Variants in GTF3C1 observed in about 807,000 individuals in gnomAD.
GTF3C1 encodes the protein general transcription factor 3C polypeptide 1.
In GTF3C1, 57 loss-of-function variants were observed where a neutral mutation model predicts 226.7. The ratio of observed to expected loss-of-function variants is 0.25; its 90% confidence interval spans 0.20 to 0.31. The LOEUF (loss-of-function observed/expected upper bound fraction) is 0.31. Among genes scored for constraint, GTF3C1 ranks in the 10% least tolerant of loss-of-function variants. GTF3C1 has a pLI of 1.00. For missense variants in GTF3C1, 2,217 were observed against 2,776.1 expected, an observed-to-expected ratio of 0.80 and a Z score of 4.53; for synonymous variants, 1,090 against 1,084.8, an observed-to-expected ratio of 1.00 and a Z score of -0.09.
chr16:27,461,541 T>A lies in GTF3C1; in HGVS notation c.6139A>T (p.Ile2047Phe). Reference sequence around the variant, plus strand: ...GGCTTTCTCAGCCAGCGCTTCCGGATGCAGCCGAGGGACTCCAGGCCCTGG... The same window carrying A: ...GGCTTTCTCAGCCAGCGCTTCCGGAAGCAGCCGAGGGACTCCAGGCCCTGG... Reference protein sequence around the residue: ...LLQGLESLGCIRKRWLRKPRP... With the variant: ...LLQGLESLGCFRKRWLRKPRP... Residue 2047 changes from isoleucine (I) to phenylalanine (F), a missense_variant, in exon 37 of 37, where the codon ATC (isoleucine) becomes TTC (phenylalanine). Ile to Phe is a conservative substitution (Grantham distance 21). Coordinates refer to ENST00000356183, the MANE Select transcript of GTF3C1 (RefSeq NM_001520.4). This position sits in a 1 kb window ranked among gnomAD's most constrained non-coding sequence, Gnocchi z 5.3. 6.2e-7 allele frequency: 1 copy of A among 1,613,650 alleles called. No individual in the cohort carries two copies. Among genetic ancestry groups the A allele is most frequent in the Non-Finnish European group, 8.5e-7 (1 of 1,179,828 alleles).
chr16:27,489,397 A>G (rs1478618511), intron 20 of GTF3C1, among the ~76,000 whole-genome samples: 1 of 152,258 alleles, frequency 6.6e-6, no homozygotes, highest in Non-Finnish European at 1.5e-5. Flanking sequence ...AAAATTCCCA[A>G]AATAAATTTT....
chr16:27,543,177 G>A (rs1680588760), intron 2 of GTF3C1, among the ~76,000 whole-genome samples: 1 of 152,206 alleles, frequency 6.6e-6, no homozygotes, highest in South Asian at 2.1e-4. Flanking sequence ...CCTGAGGTCA[G>A]GTGTTCAAGA....
At chr16:27,466,436 T>C (rs1286705757) in intron 32 of GTF3C1, 1 of 148,712 alleles carries the variant, frequency 6.7e-6, no homozygotes, top group Non-Finnish European at 1.5e-5. Context: ...ATAAGTATCA[T>C]GTGTGTTCTG....
chr16:27,487,942 G>A (rs1221306662), intron 23 of GTF3C1, among the ~76,000 whole-genome samples: 1 of 152,160 alleles, frequency 6.6e-6, no homozygotes, highest in Non-Finnish European at 1.5e-5. Flanking sequence ...TTTCAGCTGA[G>A]ATGAAACTAG....
rs532466695 is a variant in GTF3C1 at position 27,462,911 on chromosome 16, G to A, written c.5925-425C>T. 2.3e-3 allele frequency: 421 copies of A among 186,108 alleles called. No homozygotes were observed. Among genetic ancestry groups the A allele is most frequent in the South Asian group, 5.3e-3 (37 of 6,934 alleles). The allele number at this position is 186,108 out of a possible 1,614,324, so 11.5% of individuals were successfully genotyped here. ...CAGGCACACTTTCCTCGAAACAGAC[G>A]TTTCTGTTACTAAACCAGAGACTGA... On this transcript the variant is annotated intron_variant, in intron 35 of 36. Coordinates refer to ENST00000356183, the MANE Select transcript of GTF3C1 (RefSeq NM_001520.4). This position sits in a 1 kb window ranked among gnomAD's most constrained non-coding sequence, Gnocchi z 4.5.
At position 27,464,367 on chromosome 16, in the gene GTF3C1, T is replaced by A; in HGVS notation, c.5825A>T (p.Gln1942Leu). Residue 1942 changes from glutamine (Q) to leucine (L), a missense_variant, in exon 34 of 37, where the codon CAG becomes CTG. By Grantham distance (113) the Gln-to-Leu change is moderately radical. This residue lies in a region of GTF3C1 where 455 missense variants were observed against 441.9 expected (regional missense o/e 1.03). Transcript: ENST00000356183. Reference sequence around the variant, plus strand: ...TGGAGGCTGCGCCTGGCCGCTCAGCTGCTCTTGGCCTGGGGAACTGAACTC... The same window carrying A: ...TGGAGGCTGCGCCTGGCCGCTCAGCAGCTCTTGGCCTGGGGAACTGAACTC... ...VGEFSSPGQEQLSGQAQPPEG... is the reference protein window; with the variant it reads ...VGEFSSPGQELLSGQAQPPEG... The A allele has an allele frequency of 6.4e-7, 1 of 1,564,968 alleles. No homozygotes were observed. The highest frequency in any genetic ancestry group is 8.6e-7 in the Non-Finnish European group (1 of 1,158,850).
At position 27,511,750 on chromosome 16, in the gene GTF3C1, G is replaced by T. The variant is rs753132816; in HGVS notation, c.1125C>A (p.Leu375=). 6.2e-7 allele frequency: 1 copy of T among 1,613,912 alleles called. No homozygotes were observed. The highest frequency in any genetic ancestry group is 8.5e-7 in the Non-Finnish European group (1 of 1,179,902). ...AGCTGGCATGGGAACAAGACTTACTGAGGTCGTAGGTCTGTGTGAGCATAT... is the reference window on the plus strand; with the variant it reads ...AGCTGGCATGGGAACAAGACTTACTTAGGTCGTAGGTCTGTGTGAGCATAT... The part of the protein sequence containing the change: ...ERDMLTQTYD[L]IERRGTKGIS... Residue 375 remains leucine (L), a splice_region_variant and synonymous_variant, in exon 7 of 37, where the codon CTC becomes CTA. Coordinates refer to ENST00000356183, the MANE Select transcript of GTF3C1 (RefSeq NM_001520.4).
chr16:27,549,680 G>T lies in GTF3C1; in HGVS notation c.211C>A (p.Leu71Ile). The change falls in exon 1 of 37, where the codon CTC (leucine) becomes ATC (isoleucine). Residue 71 changes from leucine (L) to isoleucine (I), a missense_variant. Leu to Ile is a conservative substitution (Grantham distance 5). Transcript: ENST00000356183. ...EEPRERPDLQ[L>I]QDRYEEIDLE... Reference sequence around the variant, plus strand: ...AGGCCGCCCGCTGACCGGTCCTGGAGCTGTAGGTCGGGTCGCTCCCGAGGC... The same window carrying T: ...AGGCCGCCCGCTGACCGGTCCTGGATCTGTAGGTCGGGTCGCTCCCGAGGC... The T allele has an allele frequency of 6.4e-7, 1 of 1,569,794 alleles. No individual in the cohort carries two copies. The highest frequency in any genetic ancestry group is 8.6e-7 in the Non-Finnish European group (1 of 1,157,598).
intron 2 of GTF3C1, among the ~76,000 whole-genome samples, chr16:27,543,592 CT>C (rs1171228173): frequency 2.0e-5 from 3 of 151,976 alleles, no homozygotes; most frequent in Non-Finnish European, 4.4e-5. Flanking sequence ...GTGATGGGGT[CT>C]TGCTATATTG....
intron 10 of GTF3C1, among the ~76,000 whole-genome samples, 193 bp downstream of exon 10, chr16:27,505,706 C>A (rs552548457): frequency 2.6e-5 from 4 of 152,214 alleles, no homozygotes; most frequent in Non-Finnish European, 4.4e-5. Context: ...ACAATCTCTG[C>A]GTAGGGCCCA....
chr16:27,490,213 A>C (rs2088212760), intron 19 of GTF3C1, among the ~76,000 whole-genome samples: 2 of 152,238 alleles, frequency 1.3e-5, no homozygotes, highest in Admixed American at 6.5e-5. Flanking sequence ...CCTGGGCCCC[A>C]CCTGGCTCCA....
At position 27,533,389 on chromosome 16, in the gene GTF3C1, T is replaced by C; in HGVS notation, c.753-2A>G. On this transcript the variant is annotated splice_acceptor_variant, in intron 4 of 36. Transcript: ENST00000356183. LOFTEE classifies it high-confidence loss of function. Reference sequence around the variant, plus strand: ...ATGAGGATGTCGTATTTGCTCCTCCTGCAAGAAACACCGAGCAATTCGTTT... The same window carrying C: ...ATGAGGATGTCGTATTTGCTCCTCCCGCAAGAAACACCGAGCAATTCGTTT... The C allele has an allele frequency of 6.4e-7, 1 of 1,555,540 alleles. No individual in the cohort carries two copies. Among genetic ancestry groups the C allele is most frequent in the Non-Finnish European group, 8.9e-7 (1 of 1,126,622 alleles).
At chr16:27,513,626 T>G (rs1451441635) in intron 6 of GTF3C1, among the ~76,000 whole-genome samples, 3 of 152,188 alleles carry the variant, frequency 2.0e-5, no homozygotes, top group African/African-American at 2.4e-5. Context: ...ATGAATTCTC[T>G]TCTAAAGCCT....
chr16:27,512,982 G>A (rs146869652), intron 6 of GTF3C1, among the ~76,000 whole-genome samples: 1 of 152,344 alleles, frequency 6.6e-6, no homozygotes, highest in African/African-American at 2.4e-5. Flanking sequence ...CTGTAAAGAT[G>A]TTCACGTCTT....
chr16:27,531,210 C>A (rs946244072), intron 5 of GTF3C1, among the ~76,000 whole-genome samples: 1 of 152,234 alleles, frequency 6.6e-6, no homozygotes, highest in African/African-American at 2.4e-5. Flanking sequence ...AAAGTCCCCA[C>A]TCCTCAGCCA....
intron 6 of GTF3C1, among the ~76,000 whole-genome samples, chr16:27,518,480 G>A (rs1406262907): frequency 6.6e-6 from 1 of 152,234 alleles, no homozygotes; most frequent in African/African-American, 2.4e-5. Flanking sequence ...CTGGCATGGA[G>A]GTAGTGCTCT....
chr16:27,508,786 T>C, intron 7 of GTF3C1, 131 bp from the exon 8 acceptor site: 1 of 658,960 alleles, frequency 1.5e-6, no homozygotes, highest in South Asian at 1.9e-5. Context: ...ACATACGCCA[T>C]TTCTCTCCCT....
intron 23 of GTF3C1, among the ~76,000 whole-genome samples, chr16:27,486,918 G>C (rs909186427): frequency 6.6e-6 from 1 of 152,218 alleles, no homozygotes; most frequent in African/African-American, 2.4e-5. Flanking sequence ...GAGACATACA[G>C]TGACTTGCTG....
At chr16:27,497,552 A>G (rs1567398482) in intron 14 of GTF3C1, 85 bp downstream of exon 14, 4 of 1,121,760 alleles carry the variant, frequency 3.6e-6, no homozygotes, top group Non-Finnish European at 3.9e-6. Context: ...TCGGAGCTCA[A>G]ATGGAGAGGA....
Sources: allele counts gnomAD v4.1 joint callset (sites outside exome capture counted in the v4.1 genomes callset), GRCh38; gene constraint gnomAD v4.1.1; regional missense constraint gnomAD v4.1.1; non-coding constraint Gnocchi (gnomAD v3.1); transcripts MANE v1.5; gene names NCBI Gene and HGNC (gene_info 2026-07-23, HGNC 2026-07-21).